PAWR: variants seen among roughly 807,000 people sequenced by gnomAD.
The protein encoded by PAWR is PRKC apoptosis WT1 regulator protein.
A neutral mutation model predicts 32.0 loss-of-function variants in PAWR; 23 were observed. The observed-to-expected ratio is 0.72, with a 90% CI of 0.52 to 1.02. The LOEUF (loss-of-function observed/expected upper bound fraction) is 1.02. Among genes scored for constraint, PAWR ranks in the 50% least tolerant of loss-of-function variants. The probability of loss-of-function intolerance (pLI) is 0.00; values close to 1 mark genes in which losing one functional copy is unlikely to be tolerated. For missense variants in PAWR, 457 were observed against 437.7 expected, an observed-to-expected ratio of 1.04 and a Z score of -0.39; for synonymous variants, 226 against 187.1, an observed-to-expected ratio of 1.21 and a Z score of -1.70.
At chr12:79,604,555 A>G (rs1473069799) in intron 4 of PAWR, 9 of 1,218,402 alleles carry the variant, frequency 7.4e-6, no homozygotes, top group Non-Finnish European at 9.4e-6. Flanking sequence ...TAGAATAAGT[A>G]TCAAATATTC....
intron 5 of PAWR, among the ~76,000 whole-genome samples, chr12:79,595,000 A>G (rs1873696147): frequency 6.6e-6 from 1 of 152,214 alleles, no homozygotes; most frequent in African/African-American, 2.4e-5. Context: ...TACAAGCGTG[A>G]GCCACTGTGC....
intron 2 of PAWR, among the ~76,000 whole-genome samples, chr12:79,649,739 A>G (rs1486149311): frequency 1.3e-5 from 2 of 152,170 alleles, no homozygotes; most frequent in Non-Finnish European, 2.9e-5. Context: ...GCAGTGAGCT[A>G]TGATTGCGCC....
chr12:79,625,082 G>A (rs1255559328), intron 2 of PAWR, among the ~76,000 whole-genome samples: 1 of 151,862 alleles, frequency 6.6e-6, no homozygotes, highest in African/African-American at 2.4e-5. Context: ...TACTTTTGCA[G>A]TTTTTGCCAA....
At chr12:79,594,942 C>T (rs1873693165) in intron 5 of PAWR, among the ~76,000 whole-genome samples, 1 of 152,158 alleles carries the variant, frequency 6.6e-6, no homozygotes, top group Non-Finnish European at 1.5e-5. Flanking sequence ...GTCTCGAACT[C>T]CTGACCTCAA....
At chr12:79,612,178 G>A (rs376751234) in intron 4 of PAWR, among the ~76,000 whole-genome samples, 7 of 152,066 alleles carry the variant, frequency 4.6e-5, no homozygotes, top group South Asian at 2.1e-4. Flanking sequence ...AATGGCAAAC[G>A]AAAGCAGGTT....
At chr12:79,621,335 A>AT (rs1875004128) in intron 2 of PAWR, 128 bp from the exon 3 acceptor site, 1 of 710,846 alleles carries the variant, frequency 1.4e-6, no homozygotes, top group Non-Finnish European at 2.2e-6. Context: ...TAATAAAAGT[A>AT]TTTTTCTTTC....
intron 2 of PAWR, among the ~76,000 whole-genome samples, chr12:79,648,226 G>A (rs1565689303): frequency 6.6e-6 from 1 of 152,132 alleles, no homozygotes; most frequent in African/African-American, 2.4e-5. Flanking sequence ...ACTGCAGACT[G>A]GTAGGTTAAG....
intron 2 of PAWR, among the ~76,000 whole-genome samples, chr12:79,678,044 C>G (rs1302031969): frequency 1.3e-5 from 2 of 152,148 alleles, no homozygotes; most frequent in Non-Finnish European, 2.9e-5. Context: ...CAAAAGAAAT[C>G]ACTTGGTACA....
chr12:79,628,488 C>G (rs1177806006), intron 2 of PAWR, among the ~76,000 whole-genome samples: 1 of 151,950 alleles, frequency 6.6e-6, no homozygotes, highest in Non-Finnish European at 1.5e-5. Context: ...AATAGAGACA[C>G]AAAAAACCCT....
At chr12:79,603,699 CAG>C (rs1401661704) in intron 4 of PAWR, 4 of 102,888 alleles carry the variant, frequency 3.9e-5, no homozygotes, top group Non-Finnish European at 7.1e-5. Flanking sequence ...TTTTTGGAGA[CAG>C]AGTTTCGCTC....
intron 2 of PAWR, among the ~76,000 whole-genome samples, chr12:79,683,674 C>T (rs572688305): frequency 6.6e-6 from 1 of 151,558 alleles, no homozygotes; most frequent in Non-Finnish European, 1.5e-5. Context: ...TGCAGATCTC[C>T]ATGAAAGATA....
At chr12:79,609,908 T>C (rs563400561) in intron 4 of PAWR, among the ~76,000 whole-genome samples, 1 of 152,292 alleles carries the variant, frequency 6.6e-6, no homozygotes, top group East Asian at 1.9e-4. Context: ...TAACACTTCT[T>C]CTGGGACTTC....
chr12:79,614,892 C>T (rs374728277), intron 3 of PAWR, among the ~76,000 whole-genome samples: 2 of 152,136 alleles, frequency 1.3e-5, no homozygotes, highest in Admixed American at 6.5e-5. Flanking sequence ...CAGGCTACTC[C>T]GTAGCTAGGA....
chr12:79,685,332 T>C (rs890854452), intron 2 of PAWR, among the ~76,000 whole-genome samples: 1 of 152,174 alleles, frequency 6.6e-6, no homozygotes, highest in Non-Finnish European at 1.5e-5. Context: ...CACAGAAAGG[T>C]AGACAGTCTG....
intron 2 of PAWR, among the ~76,000 whole-genome samples, chr12:79,633,234 A>C (rs1317477938): frequency 6.6e-6 from 1 of 152,196 alleles, no homozygotes; most frequent in Non-Finnish European, 1.5e-5. Flanking sequence ...GACTAGAAGA[A>C]AATATTTGCA....
intron 2 of PAWR, among the ~76,000 whole-genome samples, chr12:79,630,975 G>A (rs958800802): frequency 3.3e-5 from 5 of 151,728 alleles, no homozygotes; most frequent in Non-Finnish European, 7.4e-5. Context: ...ATATAAAAAA[G>A]GACAATGACC....
intron 2 of PAWR, among the ~76,000 whole-genome samples, chr12:79,625,919 C>T (rs573190685): frequency 6.6e-6 from 1 of 151,812 alleles, no homozygotes; most frequent in South Asian, 2.1e-4. Flanking sequence ...TGGTTCAGCA[C>T]ATTGGGAGTC....
chr12:79,676,304 T>A (rs1399014077), intron 2 of PAWR, among the ~76,000 whole-genome samples: 1 of 152,124 alleles, frequency 6.6e-6, no homozygotes, highest in Non-Finnish European at 1.5e-5. Flanking sequence ...CACCCATAAT[T>A]AATAAAATAT....
chr12:79,635,372 G>A lies in PAWR; in HGVS notation c.517-14165C>T, dbSNP rs552243416. On this transcript the variant is annotated intron_variant, in intron 2 of 6. Coordinates refer to ENST00000328827, the MANE Select transcript of PAWR (RefSeq NM_002583.4). Reference sequence around the variant, plus strand: ...GTGGAGGCATTTTGGTCACCTTGATGACTGAGGGATATTACTGGTTATGGA... The same window carrying A: ...GTGGAGGCATTTTGGTCACCTTGATAACTGAGGGATATTACTGGTTATGGA... Among the ~76,000 whole-genome samples, 18 of 152,196 alleles carry A rather than the reference G, an allele frequency of 1.2e-4. No homozygotes were observed. The South Asian group carries it at 3.3e-3, about 28-fold the overall frequency.
Sources: allele counts gnomAD v4.1 joint callset (sites outside exome capture counted in the v4.1 genomes callset), GRCh38; gene constraint gnomAD v4.1.1; transcripts MANE v1.5; gene names NCBI Gene and HGNC (gene_info 2026-07-23, HGNC 2026-07-21).